MCUB: variants seen among roughly 807,000 people sequenced by gnomAD.
The protein encoded by MCUB is calcium uniporter regulatory subunit MCUb, mitochondrial.
Under a neutral mutation model 41.4 loss-of-function variants are expected in MCUB, and 46 were observed. That is an observed-to-expected ratio of 1.11 (90% CI 0.88 to 1.42). The LOEUF is 1.42. MCUB is among the 40% of genes most tolerant of loss of function. The pLI, the probability that MCUB is intolerant of heterozygous loss-of-function variation, is 0.00. For missense variants in MCUB, 403 were observed against 404.9 expected (o/e 1.00, Z 0.04); for synonymous variants, 148 against 148.2 (o/e 1.00, Z 0.01).
At chr4:109,687,450 C>A in intron 7 of MCUB, 65 bp from the exon 8 acceptor site, 2 of 1,113,894 alleles carry the variant, frequency 1.8e-6, no homozygotes, top group South Asian at 1.3e-5. Flanking sequence ...GAATTCCTCT[C>A]AAGCAGTAAT....
At chr4:109,603,148 C>G (rs114476853) in intron 1 of MCUB, among the ~76,000 whole-genome samples, 3,914 of 152,308 alleles carry the variant, frequency 0.026, 132 homozygotes, top group South Asian at 0.074. Context: ...CCTCTGTTAC[C>G]GAGGCTGGAC....
intron 1 of MCUB, among the ~76,000 whole-genome samples, chr4:109,582,712 T>C (rs1727212580): frequency 6.6e-6 from 1 of 152,198 alleles, no homozygotes; most frequent in South Asian, 2.1e-4. Context: ...GTCTAACATG[T>C]AAGTCTTTAA....
chr4:109,603,175 C>G (rs566396250), intron 1 of MCUB, among the ~76,000 whole-genome samples: 2 of 152,350 alleles, frequency 1.3e-5, no homozygotes, highest in South Asian at 4.1e-4. Context: ...GACACGATCT[C>G]GGCTCACTGC....
chr4:109,618,277 G>T (rs1251575190), intron 1 of MCUB, among the ~76,000 whole-genome samples: 1 of 152,168 alleles, frequency 6.6e-6, no homozygotes, highest in Non-Finnish European at 1.5e-5. Flanking sequence ...ACCCTCAAAT[G>T]GTTGAATAAA....
At chr4:109,573,754 T>C (rs1342261686) in intron 1 of MCUB, among the ~76,000 whole-genome samples, 1 of 152,186 alleles carries the variant, frequency 6.6e-6, no homozygotes, top group Non-Finnish European at 1.5e-5. Context: ...GCATTGTGTT[T>C]TGTTACTGGG....
At chr4:109,634,723 T>C (rs183147732) in intron 1 of MCUB, among the ~76,000 whole-genome samples, 1 of 152,338 alleles carries the variant, frequency 6.6e-6, no homozygotes, top group Non-Finnish European at 1.5e-5. Flanking sequence ...CCATTATTTA[T>C]TCATTGTGTG....
At chr4:109,565,728 G>A (rs1211116749) in intron 1 of MCUB, among the ~76,000 whole-genome samples, 1 of 151,908 alleles carries the variant, frequency 6.6e-6, no homozygotes, top group Non-Finnish European at 1.5e-5. Flanking sequence ...CGATAATCCT[G>A]AATAAGAAAT....
intron 1 of MCUB, among the ~76,000 whole-genome samples, chr4:109,561,610 G>T (rs1375951130): frequency 6.6e-6 from 1 of 152,166 alleles, no homozygotes; most frequent in Non-Finnish European, 1.5e-5. Context: ...AAAGTCATTG[G>T]GGAGATGGGC....
intron 1 of MCUB, among the ~76,000 whole-genome samples, chr4:109,623,482 ATG>A (rs1210370945): frequency 6.6e-6 from 1 of 152,208 alleles, no homozygotes; most frequent in African/African-American, 2.4e-5. Flanking sequence ...CTGATATTGA[ATG>A]TGTCAAAGCT....
chr4:109,644,101 G>A (rs1213687178), intron 1 of MCUB, among the ~76,000 whole-genome samples: 2 of 152,046 alleles, frequency 1.3e-5, no homozygotes, highest in Non-Finnish European at 2.9e-5. Flanking sequence ...CAGTAGAGGG[G>A]CAAAGATAAA....
At chr4:109,613,074 C>G (rs1281976844) in intron 1 of MCUB, among the ~76,000 whole-genome samples, 1 of 152,032 alleles carries the variant, frequency 6.6e-6, no homozygotes, top group Non-Finnish European at 1.5e-5. Flanking sequence ...CCACTGCACT[C>G]CAGCCTGGGC....
chr4:109,637,447 C>T (rs1455713654), intron 1 of MCUB, among the ~76,000 whole-genome samples: 1 of 152,196 alleles, frequency 6.6e-6, no homozygotes, highest in Non-Finnish European at 1.5e-5. Context: ...TACTTGCACA[C>T]CCTTGTTTAT....
chr4:109,662,593 A>G (rs1348165406), intron 3 of MCUB, among the ~76,000 whole-genome samples: 1 of 152,226 alleles, frequency 6.6e-6, no homozygotes, highest in African/African-American at 2.4e-5. Flanking sequence ...TTGATACCCA[A>G]GAATACATGA....
intron 7 of MCUB, among the ~76,000 whole-genome samples, chr4:109,687,046 GTAAACT>G (rs1268572528): frequency 6.6e-6 from 1 of 151,786 alleles, no homozygotes; most frequent in Non-Finnish European, 1.5e-5. Context: ...GGATGAATTA[GTAAACT>G]TAAACTCATC....
intron 5 of MCUB, chr4:109,683,023 A>G (rs1444033927): frequency 7.2e-6 from 2 of 277,460 alleles, no homozygotes; most frequent in Non-Finnish European, 1.3e-5. Context: ...TCCTCTCCAG[A>G]GATCAGTCAT....
At chr4:109,588,803 A>G (rs1223497181) in intron 1 of MCUB, among the ~76,000 whole-genome samples, 1 of 152,204 alleles carries the variant, frequency 6.6e-6, no homozygotes, top group Non-Finnish European at 1.5e-5. Context: ...AGCTTAGTCT[A>G]CACCATCAAA....
chr4:109,673,559 T>C (rs1729506639), intron 4 of MCUB, among the ~76,000 whole-genome samples: 1 of 152,220 alleles, frequency 6.6e-6, no homozygotes. Context: ...ACAGCAGGTA[T>C]AGTTAGAAGG....
chr4:109,576,546 T>A (rs1727034678), intron 1 of MCUB, among the ~76,000 whole-genome samples: 1 of 129,872 alleles, frequency 7.7e-6, no homozygotes. Flanking sequence ...GCCTGTCAAA[T>A]TGCCAAAGAA....
chr4:109,584,933 T>C (rs1727270198), intron 1 of MCUB, among the ~76,000 whole-genome samples: 1 of 152,150 alleles, frequency 6.6e-6, no homozygotes, highest in African/African-American at 2.4e-5. Context: ...TTCTGTTGCT[T>C]TGGGGTGGAG....
Sources: gnomAD v4.1 joint callset for allele counts (sites outside exome capture counted in the v4.1 genomes callset) on GRCh38, gnomAD v4.1.1 for gene constraint, MANE v1.5 for transcripts, NCBI Gene and HGNC (gene_info 2026-07-23, HGNC 2026-07-21) for gene names.